HMGCLL1: variants seen among roughly 807,000 people sequenced by gnomAD.
The protein encoded by HMGCLL1 is 3-hydroxymethyl-3-methylglutaryl-CoA lyase, cytoplasmic.
Under a neutral mutation model 39.1 loss-of-function variants are expected in HMGCLL1, and 36 were observed. That is an observed-to-expected ratio of 0.92 (90% CI 0.71 to 1.22). The LOEUF (loss-of-function observed/expected upper bound fraction) is 1.22. Ranked by LOEUF, HMGCLL1 falls within the 50% of genes most tolerant of loss-of-function variation. HMGCLL1 has a pLI of 0.00. For missense variants in HMGCLL1, 451 were observed against 416.5 expected (o/e 1.08, Z -0.72); for synonymous variants, 149 against 144.0 (o/e 1.03, Z -0.25).
chr6:55,641,918 T>A, the HMGCLL1 span, among the ~76,000 whole-genome samples: 4 of 146,692 alleles, frequency 2.7e-5, no homozygotes, highest in South Asian at 4.2e-4. Flanking sequence ...TTATTTATTT[T>A]TTATTATACT....
chr6:55,567,163 G>C (rs1041803104), intron 1 of HMGCLL1, among the ~76,000 whole-genome samples: 5 of 151,854 alleles, frequency 3.3e-5, no homozygotes, highest in Non-Finnish European at 7.4e-5. Flanking sequence ...AACAAGGATG[G>C]GTATCCCAAG....
At chr6:55,594,646 A>G in the HMGCLL1 span, among the ~76,000 whole-genome samples, 1 of 152,124 alleles carries the variant, frequency 6.6e-6, no homozygotes, top group Non-Finnish European at 1.5e-5. Context: ...GTGCTAGCTG[A>G]TAAGATGTGC....
chr6:55,546,432 GC>G (rs199578938), intron 1 of HMGCLL1, among the ~76,000 whole-genome samples: 1,824 of 152,080 alleles, frequency 0.012, 29 homozygotes, highest in African/African-American at 0.042. Context: ...TACATAATAA[GC>G]ACTTGATCAA....
At chr6:55,651,125 C>G in the HMGCLL1 span, among the ~76,000 whole-genome samples, 2 of 152,206 alleles carry the variant, frequency 1.3e-5, no homozygotes, top group East Asian at 1.9e-4. Context: ...TTCACTGTAG[C>G]CACCACACCT....
chr6:55,532,870 A>G (rs1768770487), intron 3 of HMGCLL1, among the ~76,000 whole-genome samples: 2 of 150,066 alleles, frequency 1.3e-5, no homozygotes, highest in Non-Finnish European at 3.0e-5. Flanking sequence ...CCACCATCCC[A>G]ACAAAAACAG....
chr6:55,621,338 A>ATGGCC, the HMGCLL1 span, among the ~76,000 whole-genome samples: 1 of 152,054 alleles, frequency 6.6e-6, no homozygotes, highest in African/African-American at 2.4e-5. Context: ...ACCCTGGGCT[A>ATGGCC]TGGATGGGAG....
intron 7 of HMGCLL1, among the ~76,000 whole-genome samples, chr6:55,473,255 T>G (rs1044316865): frequency 6.6e-6 from 1 of 151,494 alleles, no homozygotes; most frequent in African/African-American, 2.4e-5. Context: ...TGTAGTTGGA[T>G]TATAGGTGGA....
At chr6:55,517,962 T>C (rs911027443) in intron 3 of HMGCLL1, among the ~76,000 whole-genome samples, 2 of 152,156 alleles carry the variant, frequency 1.3e-5, no homozygotes, top group African/African-American at 4.8e-5. Context: ...CTTAATTCTA[T>C]ACTATTGTAT....
At chr6:55,527,519 C>T (rs1768386540) in intron 3 of HMGCLL1, among the ~76,000 whole-genome samples, 1 of 151,978 alleles carries the variant, frequency 6.6e-6, no homozygotes, top group Non-Finnish European at 1.5e-5. Context: ...AGATGAATCC[C>T]CATTTTGTGG....
the HMGCLL1 span, among the ~76,000 whole-genome samples, chr6:55,629,194 T>A: frequency 9.3e-4 from 142 of 152,290 alleles, 6 homozygotes; most frequent in South Asian, 0.029. Context: ...ATATGGACAG[T>A]AAAGTCCAGG....
the HMGCLL1 span, among the ~76,000 whole-genome samples, chr6:55,632,626 A>T: frequency 6.6e-6 from 1 of 151,866 alleles, no homozygotes; most frequent in African/African-American, 2.4e-5. Context: ...TTTTTGAAGT[A>T]TTCATATTTT....
At chr6:55,584,707 A>C in the HMGCLL1 span, among the ~76,000 whole-genome samples, 1 of 152,108 alleles carries the variant, frequency 6.6e-6, no homozygotes, top group Non-Finnish European at 1.5e-5. Flanking sequence ...TGGCTATTTG[A>C]AAGTCTCTAT....
At chr6:55,537,859 A>G (rs1769119923) in intron 3 of HMGCLL1, among the ~76,000 whole-genome samples, 1 of 152,196 alleles carries the variant, frequency 6.6e-6, no homozygotes. Flanking sequence ...GGAAGAGTTC[A>G]TTAAATTTGA....
chr6:55,440,451 G>A (rs1381992745), intron 7 of HMGCLL1, among the ~76,000 whole-genome samples: 1 of 152,102 alleles, frequency 6.6e-6, no homozygotes, highest in Non-Finnish European at 1.5e-5. Flanking sequence ...ATCAGAGGTG[G>A]AAGAGCTCTC....
chr6:55,598,414 A>G, the HMGCLL1 span, among the ~76,000 whole-genome samples: 4 of 152,206 alleles, frequency 2.6e-5, no homozygotes, highest in South Asian at 6.2e-4. Context: ...AATGAGCTCA[A>G]TTGCAATTCT....
At chr6:55,677,740 C>T in the HMGCLL1 span, among the ~76,000 whole-genome samples, 1 of 152,186 alleles carries the variant, frequency 6.6e-6, no homozygotes, top group Admixed American at 6.5e-5. Context: ...CTCAATTTTA[C>T]AGTTCATTAA....
chr6:55,627,973 G>GTATATATACTATATATATAATA, the HMGCLL1 span, among the ~76,000 whole-genome samples: 1 of 16,872 alleles, frequency 5.9e-5, no homozygotes, highest in Non-Finnish European at 9.5e-5. Context: ...TATATATATA[G>GTATATATACTATATATATAATA]TATATATACT....
chr6:55,624,611 T>C, the HMGCLL1 span, among the ~76,000 whole-genome samples: 1 of 152,202 alleles, frequency 6.6e-6, no homozygotes, highest in Non-Finnish European at 1.5e-5. Context: ...TTATGCAGAT[T>C]GGATCCAGTG....
At chr6:55,613,387 G>A in the HMGCLL1 span, among the ~76,000 whole-genome samples, 42 of 152,074 alleles carry the variant, frequency 2.8e-4, no homozygotes, top group Admixed American at 2.6e-3. Flanking sequence ...ACAGTGTGGC[G>A]ATTCCTCAAG....
Sources: gnomAD v4.1 joint callset for allele counts (sites outside exome capture counted in the v4.1 genomes callset) on GRCh38, gnomAD v4.1.1 for gene constraint, MANE v1.5 for transcripts, NCBI Gene and HGNC (gene_info 2026-07-23, HGNC 2026-07-21) for gene names.